NDUFAF6: variants seen among roughly 807,000 people sequenced by gnomAD.
The protein encoded by NDUFAF6 is NADH dehydrogenase (ubiquinone) complex I, assembly factor 6.
In NDUFAF6, 45 loss-of-function variants were observed where a neutral mutation model predicts 40.8. That is an observed-to-expected ratio of 1.10 (90% CI 0.87 to 1.42). NDUFAF6 has a LOEUF of 1.42. Among genes scored for constraint, NDUFAF6 ranks in the 40% most tolerant of loss-of-function variants. NDUFAF6 has a pLI of 0.00. For synonymous variants in NDUFAF6, 185 were observed against 155.9 expected, an observed-to-expected ratio of 1.19 and a Z score of -1.39; for missense variants, 435 against 418.5, an observed-to-expected ratio of 1.04 and a Z score of -0.34.
chr8:95,040,219 T>C (rs533409207), intron 3 of NDUFAF6, among the ~76,000 whole-genome samples: 2 of 152,352 alleles, frequency 1.3e-5, no homozygotes, highest in Non-Finnish European at 2.9e-5. Flanking sequence ...TCTGATGTTT[T>C]GTCATGATTA....
chr8:95,011,210 A>G (rs1020393562), intron 2 of NDUFAF6, among the ~76,000 whole-genome samples: 2 of 152,218 alleles, frequency 1.3e-5, no homozygotes, highest in Non-Finnish European at 2.9e-5. Context: ...CCACACTTTT[A>G]CTACATTTCT....
chr8:94,973,907 C>G (rs1446885429), intron 1 of NDUFAF6, among the ~76,000 whole-genome samples: 3 of 150,746 alleles, frequency 2.0e-5, no homozygotes, highest in Non-Finnish European at 4.4e-5. Context: ...TGATCTTGGA[C>G]TTCCCACCCT....
chr8:95,025,244 G>C, intron 1 of NDUFAF6, 39 bp downstream of exon 1: 1 of 1,357,804 alleles, frequency 7.4e-7, no homozygotes, highest in Non-Finnish European at 9.4e-7. Context: ...GCGGGAAGCG[G>C]GGTCCCGGGG....
At chr8:94,994,861 CAA>C (rs1826352577) in intron 2 of NDUFAF6, among the ~76,000 whole-genome samples, 1 of 152,090 alleles carries the variant, frequency 6.6e-6, no homozygotes, top group African/African-American at 2.4e-5. Flanking sequence ...CAAGACAAGA[CAA>C]AAACACACGA....
At chr8:95,093,462 C>T (rs563475700) in intron 2 of NDUFAF6, among the ~76,000 whole-genome samples, 65 of 152,262 alleles carry the variant, frequency 4.3e-4, no homozygotes, top group African/African-American at 1.4e-3. Context: ...GATGCCAAGA[C>T]TCCATAAAAT....
At chr8:95,025,593 T>A (rs1828015356) in intron 1 of NDUFAF6, among the ~76,000 whole-genome samples, 4 of 152,198 alleles carry the variant, frequency 2.6e-5, no homozygotes, top group Admixed American at 1.3e-4. Context: ...TACGAGTAAT[T>A]AGTCTTCATT....
chr8:94,930,399 A>G, intron 1 of NDUFAF6: 1 of 1,556,724 alleles, frequency 6.4e-7, no homozygotes, highest in South Asian at 1.2e-5. Flanking sequence ...GTAAAGAGAC[A>G]ACATTTTCAC....
In NDUFAF6 at chr8:94,912,598, C is replaced by T. The variant is rs1480350815; in HGVS notation, c.-936+16671C>T. On this transcript the variant is annotated intron_variant, in intron 1 of 14. Transcript: ENST00000396113. ...GATCACGAGGTCAAGTGATTGAGACCATTTTGGCTGATACAGTGAAACCCT... is the reference window on the plus strand; with the variant it reads ...GATCACGAGGTCAAGTGATTGAGACTATTTTGGCTGATACAGTGAAACCCT... 2.6e-5 allele frequency among the ~76,000 whole-genome samples: 4 copies of T among 151,862 alleles called. No individual in the cohort carries two copies. In the East Asian group the frequency reaches 7.7e-4, roughly 29 times the overall value.
chr8:94,968,996 G>A (rs1824242185), intron 1 of NDUFAF6, among the ~76,000 whole-genome samples: 2 of 152,208 alleles, frequency 1.3e-5, no homozygotes, highest in Admixed American at 1.3e-4. Flanking sequence ...GAACCTGAGA[G>A]AGCAAATCAA....
chr8:94,931,897 G>T (rs1336553096), intron 1 of NDUFAF6, among the ~76,000 whole-genome samples: 5 of 152,094 alleles, frequency 3.3e-5, no homozygotes, highest in Non-Finnish European at 5.9e-5. Flanking sequence ...ACTTGAATCT[G>T]GGGGGTGGAG....
In NDUFAF6 at chr8:95,057,962, A is replaced by C. The variant is rs753871621; in HGVS notation, c.*25A>C. On this transcript the variant is annotated 3_prime_UTR_variant, in exon 9 of 9. Coordinates refer to ENST00000396124, the MANE Select transcript of NDUFAF6 (RefSeq NM_152416.4). ...AAATAATTTCATGGCATTGATGTTAATTCTAGTCTATTAGTTTTATAAAAG... is the reference window on the plus strand; with the variant it reads ...AAATAATTTCATGGCATTGATGTTACTTCTAGTCTATTAGTTTTATAAAAG... 5 of 1,500,636 alleles carry C rather than the reference A, an allele frequency of 3.3e-6. No individual in the cohort carries two copies. The highest frequency in any genetic ancestry group is 4.6e-6 in the Non-Finnish European group (5 of 1,081,312). 93.0% of individuals were successfully genotyped at this position (1,500,636 alleles called of 1,614,324 possible).
chr8:94,997,333 CACACACACACAGAGAG>C lies in NDUFAF6; in HGVS notation c.-84+16362_-84+16377del, dbSNP rs1344997960. ...ACACACACACACACACACACACACA[CACACACACACAGAGAG>C]AGAGAGAGAGAGAGAGACAGAGAGA... On this transcript the variant is annotated intron_variant, in intron 2 of 9. Transcript: ENST00000396111. Among the ~76,000 whole-genome samples the C allele has an allele frequency of 1.3e-3, 175 of 138,566 alleles. No homozygotes were observed. The Middle Eastern group carries it at 0.025, about 20-fold the overall frequency. 90.9% of individuals were successfully genotyped at this position (138,566 alleles called of 152,430 possible).
At chr8:94,930,049 T>C (rs181236331) in intron 1 of NDUFAF6, 56 of 167,276 alleles carry the variant, frequency 3.3e-4, no homozygotes, top group Admixed American at 3.2e-3. Context: ...AGAGAGATTA[T>C]CAAGTACTGG....
chr8:95,108,624 G>A (rs1270807723), intron 4 of NDUFAF6, among the ~76,000 whole-genome samples: 1 of 152,182 alleles, frequency 6.6e-6, no homozygotes, highest in African/African-American at 2.4e-5. Flanking sequence ...AAGTTCTGGA[G>A]ATGGATAGTG....
intron 2 of NDUFAF6, among the ~76,000 whole-genome samples, chr8:94,984,822 T>C (rs1825700801): frequency 6.6e-6 from 1 of 152,084 alleles, no homozygotes; most frequent in South Asian, 2.1e-4. Flanking sequence ...CATTACAGTG[T>C]TTGTGATGGA....
At chr8:94,920,782 C>G (rs1255975705) in intron 1 of NDUFAF6, among the ~76,000 whole-genome samples, 1 of 152,236 alleles carries the variant, frequency 6.6e-6, no homozygotes, top group Non-Finnish European at 1.5e-5. Context: ...CAGCCATTCT[C>G]TATGAGCATC....
At chr8:94,971,874 G>A (rs980143717) in intron 1 of NDUFAF6, among the ~76,000 whole-genome samples, 2 of 151,832 alleles carry the variant, frequency 1.3e-5, no homozygotes, top group African/African-American at 2.4e-5. Context: ...GGAGGCGGAC[G>A]TTGCAGTGAG....
At chr8:95,033,289 C>T (rs1046838704) in intron 2 of NDUFAF6, among the ~76,000 whole-genome samples, 14 of 152,250 alleles carry the variant, frequency 9.2e-5, no homozygotes, top group African/African-American at 3.1e-4. Flanking sequence ...AAATGGTTCT[C>T]CTGCCTCAGC....
At chr8:95,036,622 G>GT in intron 3 of NDUFAF6, 1 of 713,972 alleles carries the variant, frequency 1.4e-6, no homozygotes, top group Admixed American at 3.8e-5. Flanking sequence ...CTAAATCGGA[G>GT]TATAGTGGAG....
Sources: allele counts gnomAD v4.1 joint callset (sites outside exome capture counted in the v4.1 genomes callset), GRCh38; gene constraint gnomAD v4.1.1; transcripts MANE v1.5; gene names NCBI Gene and HGNC (gene_info 2026-07-23, HGNC 2026-07-21).